Variants in ABI2 observed in about 807,000 individuals in gnomAD.
ABI2 encodes the protein abl interactor 2.
A neutral mutation model predicts 59.2 loss-of-function variants in ABI2; 25 were observed. The ratio of observed to expected loss-of-function variants is 0.42; its 90% CI spans 0.31 to 0.59. The LOEUF (loss-of-function observed/expected upper bound fraction) is 0.59. ABI2 is among the 20% of genes least tolerant of loss of function. The pLI is 0.14. For synonymous variants in ABI2, 213 were observed against 235.5 expected, an observed-to-expected ratio of 0.90 and a Z score of 0.87; for missense variants, 545 against 681.8, an observed-to-expected ratio of 0.80 and a Z score of 2.23.
chr2:203,391,115 C>T lies in ABI2; in HGVS notation c.550C>T (p.Pro184Ser). The part of the protein sequence containing the change: ...TTPPTQKPPS[P>S]PMSGKGTLGR... Reference sequence around the variant, plus strand: ...ACCTCCAACTCAGAAGCCCCCTAGTCCCCCTATGTCAGGGAAAGGGACACT... The same window carrying T: ...ACCTCCAACTCAGAAGCCCCCTAGTTCCCCTATGTCAGGGAAAGGGACACT... The change falls in exon 5 of 12, where the codon CCC (proline) becomes TCC (serine). Residue 184 changes from proline (P) to serine (S), a missense_variant. This residue lies in a region of ABI2 where 410 missense variants were observed against 435.6 expected (regional missense o/e 0.94). Transcript: ENST00000261018. 6.2e-7 allele frequency: 1 copy of T among 1,613,430 alleles called. No individual in the cohort carries two copies.
intron 4 of ABI2, among the ~76,000 whole-genome samples, chr2:203,384,313 T>TG (rs1559289695): frequency 7.0e-5 from 9 of 128,414 alleles, no homozygotes; most frequent in East Asian, 2.1e-4. Flanking sequence ...TTTTTTTTTT[T>TG]TTTTTTTTTT....
In ABI2 at chr2:203,328,528, AGATGCTGCTGGAAGAG is replaced by A; in HGVS notation, c.17_32del (p.Met6LysfsTer37). 6.2e-7 allele frequency: 1 copy of A among 1,604,948 alleles called. No individual in the cohort carries two copies. Among genetic ancestry groups the A allele is most frequent in the Non-Finnish European group, 8.5e-7 (1 of 1,176,190 alleles). On this transcript the variant is annotated frameshift_variant, in exon 1 of 12. Coordinates refer to ENST00000261018, the MANE Select transcript of ABI2 (RefSeq NM_001375670.1). LOFTEE classifies it high-confidence loss of function. ...GAGGATGTGAAGATGGCGGAGCTGC[AGATGCTGCTGGAAGAG>A]GAAATCCCGGGGGGCCGCCGGGCCC... is the stretch of plus-strand genomic sequence containing the variant.
intron 3 of ABI2, among the ~76,000 whole-genome samples, chr2:203,381,059 CTAAA>C (rs1432540056): frequency 1.3e-5 from 2 of 151,982 alleles, no homozygotes; most frequent in African/African-American, 2.4e-5. Flanking sequence ...TCAGATGTGA[CTAAA>C]TAAATATACA....
rs1251678498 is a variant in ABI2, at chr2:203,376,062, T to G, written c.286-4146T>G. 7.8e-6 allele frequency: 12 copies of G among 1,534,004 alleles called. No homozygotes were observed. The South Asian group carries it at 1.1e-4, about 14-fold the overall frequency. ...CTTAAAATATCTATACTTAGGCAAATTAGAGGCGTTGATCTTGAGTCGACT... is the reference window on the plus strand; with the variant it reads ...CTTAAAATATCTATACTTAGGCAAAGTAGAGGCGTTGATCTTGAGTCGACT... On this transcript the variant is annotated intron_variant, in intron 2 of 11. Coordinates refer to ENST00000261018, the MANE Select transcript of ABI2 (RefSeq NM_001375670.1).
At chr2:203,413,729 AATAC>A (rs1264513435) in intron 10 of ABI2, among the ~76,000 whole-genome samples, 3 of 152,240 alleles carry the variant, frequency 2.0e-5, no homozygotes, top group African/African-American at 4.8e-5. Context: ...ACCTTGGAAA[AATAC>A]ATACATTTCT....
intron 1 of ABI2, among the ~76,000 whole-genome samples, chr2:203,333,618 A>AT (rs2075018911): frequency 1.3e-5 from 2 of 152,216 alleles, no homozygotes; most frequent in African/African-American, 4.8e-5. Flanking sequence ...TCCTCAAGAA[A>AT]TTAGTCCCTA....
intron 1 of ABI2, among the ~76,000 whole-genome samples, chr2:203,366,619 CA>C (rs2094474674): frequency 6.6e-6 from 1 of 152,126 alleles, no homozygotes; most frequent in South Asian, 2.1e-4. Flanking sequence ...CATTGGATCT[CA>C]TTTTCTAGAT....
intron 1 of ABI2, among the ~76,000 whole-genome samples, chr2:203,358,113 GTTTGTTTGTT>G (rs1391466958): frequency 1.9e-4 from 18 of 92,546 alleles, no homozygotes; most frequent in Non-Finnish European, 4.2e-4. Context: ...GTGTGTGTGT[GTTTGTTTGTT>G]TGTTTGTTTT....
intron 2 of ABI2, among the ~76,000 whole-genome samples, chr2:203,369,330 A>G (rs1485258073): frequency 2.6e-5 from 4 of 152,190 alleles, no homozygotes; most frequent in Non-Finnish European, 4.4e-5. Flanking sequence ...AGGAGGAACA[A>G]GTTTTACTAG....
chr2:203,369,761 A>T lies in ABI2; in HGVS notation c.285+2717A>T, dbSNP rs552314242. Among the ~76,000 whole-genome samples the T allele has an allele frequency of 1.8e-4, 27 of 152,322 alleles. 1 individual carries two copies. In the South Asian group the frequency reaches 4.6e-3, roughly 26 times the overall value. On this transcript the variant is annotated intron_variant, in intron 2 of 11. Transcript: ENST00000261018. The stretch of plus-strand genomic sequence containing the variant: ...TAGTTGGAGGGGTAATAGATCTGCA[A>T]TTCTCAGTGGCTGTTAAGTTTATAC...
rs2098484664 is a variant in ABI2, at chr2:203,431,680, A to T, written c.*4328A>T. The T allele has an allele frequency of 6.6e-6, 1 of 151,064 alleles. No individual in the cohort carries two copies. The highest frequency in any genetic ancestry group is 2.5e-5 in the African/African-American group (1 of 40,656). 9.4% of individuals were successfully genotyped at this position (151,064 alleles called of 1,614,324 possible). On this transcript the variant is annotated 3_prime_UTR_variant, in exon 12 of 12. Transcript: ENST00000261018. ...TGCTGACCTTTGTTCCTGTTTTGAG[A>T]ATCTCATATAATTATTAAAAAAAAA... is the stretch of plus-strand genomic sequence containing the variant.
chr2:203,377,707 A>G (rs2095804329), intron 2 of ABI2, among the ~76,000 whole-genome samples: 1 of 152,218 alleles, frequency 6.6e-6, no homozygotes, highest in African/African-American at 2.4e-5. Context: ...GGAGTTCAAG[A>G]CCTGCCTGGG....
chr2:203,348,493 G>A (rs1419632553), intron 1 of ABI2, among the ~76,000 whole-genome samples: 1 of 152,072 alleles, frequency 6.6e-6, no homozygotes, highest in African/African-American at 2.4e-5. Context: ...CATATGGTCA[G>A]TTATATGTTA....
chr2:203,354,780 A>G (rs1576621047), intron 1 of ABI2, among the ~76,000 whole-genome samples: 1 of 152,194 alleles, frequency 6.6e-6, no homozygotes, highest in East Asian at 1.9e-4. Flanking sequence ...GGTAACCTAA[A>G]TCTTTTATAT....
intron 8 of ABI2, among the ~76,000 whole-genome samples, chr2:203,400,019 G>C (rs1195617544): frequency 6.7e-6 from 1 of 149,390 alleles, no homozygotes; most frequent in Non-Finnish European, 1.5e-5. Flanking sequence ...ATGATAATTA[G>C]GTATATATAT....
intron 9 of ABI2, among the ~76,000 whole-genome samples, chr2:203,410,553 G>A (rs548148078): frequency 6.6e-6 from 1 of 152,332 alleles, no homozygotes; most frequent in African/African-American, 2.4e-5. Flanking sequence ...CCTTGGGAAG[G>A]AGAGTGGAAT....
intron 3 of ABI2, among the ~76,000 whole-genome samples, chr2:203,381,568 A>G (rs538051111): frequency 6.6e-6 from 1 of 152,310 alleles, no homozygotes; most frequent in South Asian, 2.1e-4. Flanking sequence ...TGCCTGCCCA[A>G]TATTTAATTT....
Position 203,428,955 on chromosome 2 carries a change from TGTA to T in ABI2, c.*1609_*1611del, listed in dbSNP as rs1477731847. 2.0e-5 allele frequency: 3 copies of T among 152,200 alleles called. No individual in the cohort carries two copies. Among genetic ancestry groups the T allele is most frequent in the Non-Finnish European group, 4.4e-5 (3 of 68,032 alleles). The allele number at this position is 152,200 out of a possible 1,614,324, so 9.4% of individuals were successfully genotyped here. A position where few individuals can be genotyped will look rare whatever the true frequency, so the allele number is the denominator to read the frequency against. The stretch of plus-strand genomic sequence containing the variant: ...GGAACTTGATTGAAAAGTGAACAAG[TGTA>T]GTAGTGTGTGAGAAAATTCAGATGG... On this transcript the variant is annotated 3_prime_UTR_variant, in exon 12 of 12. Transcript: ENST00000261018.
At chr2:203,334,530 A>AC (rs1201758664) in intron 1 of ABI2, among the ~76,000 whole-genome samples, 6 of 152,120 alleles carry the variant, frequency 3.9e-5, no homozygotes, top group Admixed American at 1.3e-4. Context: ...GCTTACACCC[A>AC]CCCCAAATCC....
Sources: gnomAD v4.1 joint callset for allele counts (sites outside exome capture counted in the v4.1 genomes callset) on GRCh38, gnomAD v4.1.1 for gene constraint, gnomAD v4.1.1 regional missense constraint, MANE v1.5 for transcripts, NCBI Gene and HGNC (gene_info 2026-07-23, HGNC 2026-07-21) for gene names.